The following INPP4B variants were observed in gnomAD, a reference collection of about 807,000 sequenced individuals.
INPP4B encodes inositol polyphosphate-4-phosphatase type II B, also known as inositol polyphosphate 4-phosphatase type II.
INPP4B carries 55 observed loss-of-function variants against 122.5 expected under a neutral mutation model. The ratio of observed to expected loss-of-function variants is 0.45; its 90% CI spans 0.36 to 0.56. The LOEUF (loss-of-function observed/expected upper bound fraction) is 0.56, where lower values mean the gene tolerates loss of function less well. INPP4B is among the 20% of genes least tolerant of loss of function. The pLI is 0.00. For synonymous variants in INPP4B, 403 were observed against 388.7 expected, an observed-to-expected ratio of 1.04 and a Z score of -0.43; for missense variants, 1,000 against 1,097.7, an observed-to-expected ratio of 0.91 and a Z score of 1.26.
chr4:142,210,341 G>A (rs1439157655), intron 12 of INPP4B, among the ~76,000 whole-genome samples: 2 of 152,110 alleles, frequency 1.3e-5, no homozygotes, highest in Non-Finnish European at 2.9e-5. Context: ...TTCATCTGAG[G>A]TCTTTATAAT....
chr4:142,044,661 C>T (rs2645813), intron 25 of INPP4B, among the ~76,000 whole-genome samples: 126,251 of 152,052 alleles, frequency 0.83, 54,002 homozygotes, highest in Non-Finnish European at 0.92. Flanking sequence ...TTGATGGAAC[C>T]GTTTTAAGAT....
chr4:142,187,120 A>T (rs1057005114), intron 15 of INPP4B, among the ~76,000 whole-genome samples: 1 of 152,134 alleles, frequency 6.6e-6, no homozygotes, highest in African/African-American at 2.4e-5. Context: ...GAATCAAATT[A>T]TAATCAAAAG....
intron 5 of INPP4B, among the ~76,000 whole-genome samples, chr4:142,416,674 G>A (rs907745143): frequency 2.0e-5 from 3 of 152,074 alleles, no homozygotes; most frequent in Non-Finnish European, 4.4e-5. Context: ...TCTCCATCTA[G>A]ATCATCCTTT....
chr4:142,630,445 T>A (rs1747683420), intron 2 of INPP4B, among the ~76,000 whole-genome samples: 1 of 152,150 alleles, frequency 6.6e-6, no homozygotes, highest in South Asian at 2.1e-4. Flanking sequence ...TATGTTCTTC[T>A]GGGAGGTGAG....
chr4:142,127,194 T>C (rs1461030666), intron 18 of INPP4B, among the ~76,000 whole-genome samples: 1 of 152,210 alleles, frequency 6.6e-6, no homozygotes, highest in African/African-American at 2.4e-5. Context: ...ACTTATTGTT[T>C]AAGCATCTTG....
chr4:142,368,385 T>A (rs939647920), intron 7 of INPP4B, among the ~76,000 whole-genome samples: 11 of 152,120 alleles, frequency 7.2e-5, no homozygotes, highest in Non-Finnish European at 1.2e-4. Context: ...AATATTCAAC[T>A]TTTTGGGCAA....
intron 7 of INPP4B, among the ~76,000 whole-genome samples, chr4:142,363,546 G>A (rs888894464): frequency 1.3e-5 from 2 of 151,736 alleles, no homozygotes; most frequent in African/African-American, 4.8e-5. Flanking sequence ...ATGTTATTTT[G>A]CTGCACATTT....
chr4:142,292,201 A>G (rs936553183), intron 9 of INPP4B, among the ~76,000 whole-genome samples: 5 of 152,330 alleles, frequency 3.3e-5, no homozygotes, highest in Non-Finnish European at 7.4e-5. Context: ...CACAATTTGA[A>G]GTAATCTCAG....
Position 142,689,181 on chromosome 4 carries a change from G to A in INPP4B, c.-191+36658C>T, listed in dbSNP as rs114800991. ...AATAAATCAACTCTGTCTAGGCAGC[G>A]GGCAAGGAGAACCCATTGGGTGTTA... is the stretch of plus-strand genomic sequence containing the variant. On this transcript the variant is annotated intron_variant, in intron 2 of 25. Coordinates refer to ENST00000262992, the MANE Select transcript of INPP4B (RefSeq NM_001101669.3). 8.6e-3 allele frequency among the ~76,000 whole-genome samples: 1,315 copies of A among 152,228 alleles called. 24 individuals are homozygous for A. The highest frequency in any genetic ancestry group is 0.03 in the African/African-American group (1,243 of 41,538).
rs1414385683 is a variant in INPP4B, at chr4:142,086,180, T to C, written c.2451A>G (p.Lys817=). The part of the protein sequence containing the change: ...ENLLQNIQSK[K]RKNVEIMWLA... ...GCCACATAATTTCTACATTCTTTCT[T>C]TTTTTGGATTGGATATTTTGAAGGA... is the stretch of plus-strand genomic sequence containing the variant. Residue 817 remains lysine (K), a synonymous_variant, in exon 24 of 26, where the codon AAA becomes AAG. Coordinates refer to ENST00000262992, the MANE Select transcript of INPP4B (RefSeq NM_001101669.3). 1.2e-6 allele frequency: 2 copies of C among 1,602,392 alleles called. No individual in the cohort carries two copies. Among genetic ancestry groups the C allele is most frequent in the Non-Finnish European group, 1.7e-6 (2 of 1,169,448 alleles).
At chr4:142,560,438 A>T (rs1730204294) in intron 2 of INPP4B, 1 of 152,234 alleles carries the variant, frequency 6.6e-6, no homozygotes, top group Non-Finnish European at 1.5e-5. Context: ...AGGGGAGTTT[A>T]TTAGGAGAAT....
rs906778905 is a variant in INPP4B, at chr4:142,025,097, A to T, written c.*3685T>A. On this transcript the variant is annotated 3_prime_UTR_variant, in exon 26 of 26. Transcript: ENST00000262992. Reference sequence around the variant, plus strand: ...TATTTCCTAATAAAAAAAAAAGAATATGGCATTCATTGTGTGCTGGTAAAT... The same window carrying T: ...TATTTCCTAATAAAAAAAAAAGAATTTGGCATTCATTGTGTGCTGGTAAAT... 1 of 152,112 alleles carries T rather than the reference A, an allele frequency of 6.6e-6. No homozygotes were observed. Among genetic ancestry groups the T allele is most frequent in the Admixed American group, 6.5e-5 (1 of 15,268 alleles). 9.4% of individuals were successfully genotyped at this position (152,112 alleles called of 1,614,324 possible). A position where few individuals can be genotyped will look rare whatever the true frequency, so the allele number is the denominator to read the frequency against.
chr4:142,569,045 T>C (rs1444991125), intron 2 of INPP4B, among the ~76,000 whole-genome samples: 1 of 152,170 alleles, frequency 6.6e-6, no homozygotes, highest in Non-Finnish European at 1.5e-5. Flanking sequence ...ACAAATTACT[T>C]AAATATACTA....
In INPP4B at chr4:142,728,336, A is replaced by G. The variant is rs565698441; in HGVS notation, c.-253-2435T>C. On this transcript the variant is annotated intron_variant, in intron 1 of 25. Coordinates refer to ENST00000262992, the MANE Select transcript of INPP4B (RefSeq NM_001101669.3). ...AGAAATTAGGAAGAGACTTTGATTCATACCAATAACAATCCCTAACTCCAG... is the reference window on the plus strand; with the variant it reads ...AGAAATTAGGAAGAGACTTTGATTCGTACCAATAACAATCCCTAACTCCAG... 5.9e-5 allele frequency among the ~76,000 whole-genome samples: 9 copies of G among 152,338 alleles called. No homozygotes were observed. The East Asian group carries it at 1.7e-3, about 29-fold the overall frequency.
At chr4:142,394,849 T>C (rs1018979987) in intron 7 of INPP4B, among the ~76,000 whole-genome samples, 2 of 152,188 alleles carry the variant, frequency 1.3e-5, no homozygotes, top group African/African-American at 4.8e-5. Flanking sequence ...TGTTGCCTAT[T>C]TTTTTGGGGT....
chr4:142,035,755 T>A (rs1474549580), intron 25 of INPP4B, among the ~76,000 whole-genome samples: 1 of 152,126 alleles, frequency 6.6e-6, no homozygotes, highest in African/African-American at 2.4e-5. Flanking sequence ...TAGTTGAAAA[T>A]AACTGGTCTA....
chr4:142,288,563 A>G (rs1042897501), intron 9 of INPP4B, among the ~76,000 whole-genome samples: 1 of 152,156 alleles, frequency 6.6e-6, no homozygotes, highest in African/African-American at 2.4e-5. Context: ...AGCCTGGGCG[A>G]CAGAGCGAGA....
chr4:142,637,287 T>C (rs555906015), intron 2 of INPP4B, among the ~76,000 whole-genome samples: 1 of 152,254 alleles, frequency 6.6e-6, no homozygotes, highest in African/African-American at 2.4e-5. Flanking sequence ...ATATACACCA[T>C]TGTAGTACAG....
intron 9 of INPP4B, among the ~76,000 whole-genome samples, chr4:142,285,071 C>T (rs554297691): frequency 6.6e-6 from 1 of 151,878 alleles, no homozygotes; most frequent in East Asian, 2.0e-4. Context: ...ATCAATGACT[C>T]GGGACAGTCA....
Sources: allele counts gnomAD v4.1 joint callset (sites outside exome capture counted in the v4.1 genomes callset), GRCh38; gene constraint gnomAD v4.1.1; transcripts MANE v1.5; gene names NCBI Gene and HGNC (gene_info 2026-07-23, HGNC 2026-07-21).